COLGALT2: variants seen among roughly 807,000 people sequenced by gnomAD.
The protein encoded by COLGALT2 is collagen beta(1-O)galactosyltransferase 2.
COLGALT2 carries 49 observed loss-of-function variants against 73.4 expected under a neutral mutation model. The ratio of observed to expected loss-of-function variants is 0.67; its 90% CI spans 0.53 to 0.85. COLGALT2 has a LOEUF of 0.85. Ranked by LOEUF, COLGALT2 falls within the 40% of genes least tolerant of loss-of-function variation. COLGALT2 has a pLI of 0.00. For synonymous variants in COLGALT2, 295 were observed against 307.6 expected (o/e 0.96, Z 0.43); for missense variants, 722 against 790.2 (o/e 0.91, Z 1.03).
intron 10 of COLGALT2, 127 bp from the exon 11 acceptor site, chr1:183,940,914 T>C: frequency 1.2e-6 from 1 of 821,520 alleles, no homozygotes; most frequent in East Asian, 2.6e-5. Context: ...CATTAAATGA[T>C]GTATCACATC....
chr1:184,028,968 C>T (rs889720043), intron 1 of COLGALT2, among the ~76,000 whole-genome samples: 1 of 152,202 alleles, frequency 6.6e-6, no homozygotes, highest in Non-Finnish European at 1.5e-5. Flanking sequence ...TTAAGTGAAA[C>T]ACGTTACAAA....
intron 1 of COLGALT2, among the ~76,000 whole-genome samples, chr1:184,019,333 A>G (rs1156512391): frequency 6.6e-6 from 1 of 152,192 alleles, no homozygotes; most frequent in African/African-American, 2.4e-5. Flanking sequence ...ACGCATTGAG[A>G]CTTTTCCTCA....
intron 1 of COLGALT2, among the ~76,000 whole-genome samples, chr1:183,986,221 C>A (rs10911482): frequency 6.6e-6 from 1 of 152,018 alleles, no homozygotes; most frequent in Non-Finnish European, 1.5e-5. Flanking sequence ...TGGTTAAAGA[C>A]GTGAATATGG....
At chr1:184,036,979 C>T (rs1447063008) in intron 1 of COLGALT2, 116 bp downstream of exon 1, 5 of 889,552 alleles carry the variant, frequency 5.6e-6, no homozygotes, top group Middle Eastern at 3.9e-4. Flanking sequence ...TTTCCGCGTG[C>T]CCCCCCGCCC....
At chr1:184,013,381 A>G (rs1648875456) in intron 1 of COLGALT2, among the ~76,000 whole-genome samples, 1 of 152,228 alleles carries the variant, frequency 6.6e-6, no homozygotes, top group South Asian at 2.1e-4. Context: ...GTCTCAGCCC[A>G]GATTTCAATA....
At chr1:184,009,948 T>A (rs191485244) in intron 1 of COLGALT2, among the ~76,000 whole-genome samples, 186 of 152,310 alleles carry the variant, frequency 1.2e-3, no homozygotes, top group African/African-American at 4.2e-3. Flanking sequence ...CAAAGAAAAG[T>A]CCAGTTTCCA....
At chr1:184,006,085 T>A (rs1672071295) in intron 1 of COLGALT2, among the ~76,000 whole-genome samples, 1 of 152,228 alleles carries the variant, frequency 6.6e-6, no homozygotes, top group Non-Finnish European at 1.5e-5. Context: ...ATTGGGAGCA[T>A]ACTATATGTA....
chr1:184,028,100 T>C (rs1393949449), intron 1 of COLGALT2, among the ~76,000 whole-genome samples: 1 of 152,180 alleles, frequency 6.6e-6, no homozygotes, highest in Non-Finnish European at 1.5e-5. Flanking sequence ...TTGTGGTGTG[T>C]GGTGCTGAGA....
chr1:184,012,564 A>C (rs1336677677), intron 1 of COLGALT2, among the ~76,000 whole-genome samples: 1 of 152,176 alleles, frequency 6.6e-6, no homozygotes, highest in Non-Finnish European at 1.5e-5. Flanking sequence ...GAAACTGTAC[A>C]TTTTCAGTGT....
In COLGALT2 at chr1:183,973,629, CCG is replaced by C; in HGVS notation, c.612_613del (p.Cys204TrpfsTer5). ...CAAAAGACTTGCCTTAGGGGTGATT[CCG>C]CACCAGAAATTAGAATACAGGCCCC... On this transcript the variant is annotated frameshift_variant, in exon 4 of 12. Transcript: ENST00000361927. LOFTEE classifies it high-confidence loss of function. The C allele has an allele frequency of 6.2e-7, 1 of 1,613,944 alleles. No homozygotes were observed. Among genetic ancestry groups the C allele is most frequent in the African/African-American group, 1.3e-5 (1 of 74,980 alleles).
intron 6 of COLGALT2, among the ~76,000 whole-genome samples, chr1:183,959,634 A>T (rs1670643127): frequency 6.6e-6 from 1 of 151,808 alleles, no homozygotes; most frequent in Non-Finnish European, 1.5e-5. Context: ...ACCAGGAGAG[A>T]GGTACTGGTC....
chr1:183,932,742 CA>C (rs1435711871), downstream of COLGALT2, among the ~76,000 whole-genome samples: 2 of 152,164 alleles, frequency 1.3e-5, no homozygotes, highest in Non-Finnish European at 2.9e-5. Context: ...CGGGCTGTGA[CA>C]GGAGAGGCTG....
chr1:183,960,190 A>G (rs1468830072), intron 6 of COLGALT2, among the ~76,000 whole-genome samples: 1 of 146,182 alleles, frequency 6.8e-6, no homozygotes, highest in Non-Finnish European at 1.5e-5. Flanking sequence ...TTAGCTGAAG[A>G]AGAATTCAAG....
chr1:183,985,177 C>T (rs1362730649), intron 1 of COLGALT2, among the ~76,000 whole-genome samples: 3 of 152,220 alleles, frequency 2.0e-5, no homozygotes, highest in African/African-American at 7.2e-5. Flanking sequence ...GGGCTAAACT[C>T]ATATTGGTAA....
exon 12 of COLGALT2, chr1:183,930,275 G>A (rs1269398044): frequency 2.2e-6 from 1 of 456,178 alleles, no homozygotes; most frequent in Non-Finnish European, 4.4e-6. Context: ...ATGGCAGTGA[G>A]GACTTGAGAG....
intron 4 of COLGALT2, among the ~76,000 whole-genome samples, chr1:183,971,465 A>T (rs996467099): frequency 2.6e-5 from 4 of 152,228 alleles, no homozygotes; most frequent in African/African-American, 9.6e-5. Flanking sequence ...GGCCACTAGG[A>T]TAACCCACCC....
rs1669988915 is a variant in COLGALT2, at chr1:183,937,544, A to G, written c.*1217T>C. 1.0e-6 allele frequency: 1 copy of G among 985,342 alleles called. No homozygotes were observed. Among genetic ancestry groups the G allele is most frequent in the East Asian group, 1.1e-4 (1 of 8,816 alleles). 61.0% of individuals were successfully genotyped at this position (985,342 alleles called of 1,614,324 possible). On this transcript the variant is annotated 3_prime_UTR_variant, in exon 12 of 12. Coordinates refer to ENST00000361927, the MANE Select transcript of COLGALT2 (RefSeq NM_015101.4). The stretch of plus-strand genomic sequence containing the variant: ...TCAGGTGACCAGCCCTTTGTTTCTG[A>G]CCAGGTTTCTCACCTGAGATAGAGA...
chr1:183,998,292 T>C (rs59262961), intron 1 of COLGALT2, among the ~76,000 whole-genome samples: 22,884 of 152,184 alleles, frequency 0.15, 2,675 homozygotes, highest in African/African-American at 0.32. Flanking sequence ...TTTATGGTCA[T>C]TCATGTGCTT....
Position 183,936,834 on chromosome 1 carries a change from G to A in COLGALT2, c.*1927C>T, listed in dbSNP as rs1669967873. ...GAGTTCCCTTTCCTCCAGCGGCCTA[G>A]CTTGCTGGTCAGTGTAGAAGGGTAC... On this transcript the variant is annotated 3_prime_UTR_variant, in exon 12 of 12. Transcript: ENST00000361927. The A allele has an allele frequency of 8.1e-7, 1 of 1,231,678 alleles. No individual in the cohort carries two copies. The highest frequency in any genetic ancestry group is 1.0e-6 in the Non-Finnish European group (1 of 987,974). 76.3% of individuals were successfully genotyped at this position (1,231,678 alleles called of 1,614,324 possible).
Sources: gnomAD v4.1 joint callset for allele counts (sites outside exome capture counted in the v4.1 genomes callset) on GRCh38, gnomAD v4.1.1 for gene constraint, MANE v1.5 for transcripts, NCBI Gene and HGNC (gene_info 2026-07-23, HGNC 2026-07-21) for gene names.